BBOX1: variants seen among roughly 807,000 people sequenced by gnomAD.
The protein encoded by BBOX1 is gamma-butyrobetaine dioxygenase.
Under a neutral mutation model 41.6 loss-of-function variants are expected in BBOX1, and 35 were observed. The observed-to-expected ratio is 0.84, with a 90% confidence interval of 0.64 to 1.11. The LOEUF (loss-of-function observed/expected upper bound fraction) is 1.11, where lower values mean the gene tolerates loss of function less well. Ranked by LOEUF, BBOX1 falls within the 50% of genes most tolerant of loss-of-function variation. BBOX1 has a pLI of 0.00. For synonymous variants in BBOX1, 163 were observed against 154.7 expected (o/e 1.05, Z -0.40); for missense variants, 458 against 460.6 (o/e 0.99, Z 0.05).
Position 27,127,742 on chromosome 11 carries a change from T to A in BBOX1, c.*289T>A. ...CCAGAATGTCTACAAATAGTTTTTG[T>A]AGCAAATGAAAATTTCTTCAAATAA... On this transcript the variant is annotated 3_prime_UTR_variant, in exon 9 of 9. Coordinates refer to ENST00000263182, the MANE Select transcript of BBOX1 (RefSeq NM_003986.3). 3.7e-6 allele frequency: 1 copy of A among 272,490 alleles called. No homozygotes were observed. Among genetic ancestry groups the A allele is most frequent in the Non-Finnish European group, 6.8e-6 (1 of 147,568 alleles). The allele number at this position is 272,490 out of a possible 1,614,324, so 16.9% of individuals were successfully genotyped here. A position where few individuals can be genotyped will look rare whatever the true frequency, so the allele number is the denominator to read the frequency against.
chr11:27,085,799 C>A (rs1596257), intron 4 of BBOX1, among the ~76,000 whole-genome samples: 142,267 of 152,198 alleles, frequency 0.93, 66,574 homozygotes, highest in East Asian at 0.98. Context: ...ACTGTCAGCC[C>A]AGTTGTGAAG....
At chr11:27,086,340 CTT>C (rs1276834299) in intron 4 of BBOX1, among the ~76,000 whole-genome samples, 1 of 152,082 alleles carries the variant, frequency 6.6e-6, no homozygotes, top group Admixed American at 6.6e-5. Context: ...CAGCTATTGA[CTT>C]TAAGTTGAAA....
chr11:27,071,824 T>C (rs1412752416), intron 4 of BBOX1, among the ~76,000 whole-genome samples: 1 of 152,098 alleles, frequency 6.6e-6, no homozygotes, highest in African/African-American at 2.4e-5. Context: ...AAAAACCACA[T>C]GATTATCTCA....
At chr11:27,121,055 T>C (rs1180224283) in intron 7 of BBOX1, among the ~76,000 whole-genome samples, 1 of 152,086 alleles carries the variant, frequency 6.6e-6, no homozygotes, top group Non-Finnish European at 1.5e-5. Context: ...GGGGAATCTG[T>C]AGGGCTTAGC....
At chr11:27,103,277 T>C (rs1858731989) in intron 5 of BBOX1, among the ~76,000 whole-genome samples, 1 of 152,214 alleles carries the variant, frequency 6.6e-6, no homozygotes, top group South Asian at 2.1e-4. Context: ...GTCTTGATAT[T>C]GATTGTTCTG....
At chr11:27,043,696 T>C (rs781323566) in intron 2 of BBOX1, among the ~76,000 whole-genome samples, 20 of 152,164 alleles carry the variant, frequency 1.3e-4, no homozygotes, top group Non-Finnish European at 2.6e-4. Flanking sequence ...ATGCAGTATT[T>C]GGTCTTCTGT....
Position 27,107,800 on chromosome 11 carries a change from T to C in BBOX1, c.534-7652T>C, listed in dbSNP as rs1455183240. On this transcript the variant is annotated intron_variant, in intron 5 of 8. Transcript: ENST00000263182. ...AAGATCAGGCAAGTCCAGGGTTATATGGCTGCAAATATGTTTGCATTTTAT... is the reference window on the plus strand; with the variant it reads ...AAGATCAGGCAAGTCCAGGGTTATACGGCTGCAAATATGTTTGCATTTTAT... Among the ~76,000 whole-genome samples the C allele has an allele frequency of 2.0e-5, 3 of 152,086 alleles. 1 individual carries two copies. The highest frequency in any genetic ancestry group is 4.8e-5 in the African/African-American group (2 of 41,448).
chr11:27,060,848 T>G (rs532923435), intron 4 of BBOX1, among the ~76,000 whole-genome samples: 1 of 152,278 alleles, frequency 6.6e-6, no homozygotes, highest in East Asian at 1.9e-4. Flanking sequence ...ACCAGTTCAT[T>G]TTTCCCTGTA....
At chr11:27,106,139 G>T (rs1858856891) in intron 5 of BBOX1, among the ~76,000 whole-genome samples, 2 of 152,118 alleles carry the variant, frequency 1.3e-5, no homozygotes, top group South Asian at 4.2e-4. Context: ...GCAAAAACAT[G>T]CACAATTGTA....
intron 4 of BBOX1, among the ~76,000 whole-genome samples, chr11:27,090,330 G>A (rs375428008): frequency 1.1e-4 from 17 of 152,054 alleles, no homozygotes; most frequent in East Asian, 9.7e-4. Context: ...GGGTGACATC[G>A]CATATCAGTA....
At chr11:27,083,678 CA>C (rs1857932330) in intron 4 of BBOX1, among the ~76,000 whole-genome samples, 1 of 152,138 alleles carries the variant, frequency 6.6e-6, no homozygotes, top group Non-Finnish European at 1.5e-5. Context: ...ACCCTCATAG[CA>C]CTTGCCAAAA....
intron 4 of BBOX1, among the ~76,000 whole-genome samples, chr11:27,073,860 C>T (rs1413165606): frequency 1.3e-5 from 2 of 151,264 alleles, no homozygotes. Flanking sequence ...GGGAACTGAA[C>T]AATGAGAACA....
intron 4 of BBOX1, among the ~76,000 whole-genome samples, chr11:27,082,015 A>T (rs10835116): frequency 0.16 from 24,793 of 151,918 alleles, 2,259 homozygotes; most frequent in Middle Eastern, 0.24. Flanking sequence ...TTGCCTGTTC[A>T]CTCTGATGAT....
Position 27,119,648 on chromosome 11 carries a change from G to C in BBOX1, c.640-1G>C. On this transcript the variant is annotated splice_acceptor_variant, in intron 6 of 8. Coordinates refer to ENST00000263182, the MANE Select transcript of BBOX1 (RefSeq NM_003986.3). LOFTEE classifies it high-confidence loss of function. ...TAATAATGCATATTTTCTTTTTATAGGTTCAGCTTCTTCACTGCATAAAGC... is the reference window on the plus strand; with the variant it reads ...TAATAATGCATATTTTCTTTTTATACGTTCAGCTTCTTCACTGCATAAAGC... 3 of 1,396,314 alleles carry C rather than the reference G, an allele frequency of 2.1e-6. No homozygotes were observed. The highest frequency in any genetic ancestry group is 2.8e-6 in the Non-Finnish European group (3 of 1,072,178). The allele number at this position is 1,396,314 out of a possible 1,614,324, so 86.5% of individuals were successfully genotyped here.
chr11:27,104,871 C>T (rs1339881280), intron 5 of BBOX1, among the ~76,000 whole-genome samples: 1 of 152,102 alleles, frequency 6.6e-6, no homozygotes, highest in Admixed American at 6.6e-5. Context: ...CTCACACAGC[C>T]TGGTACCCCT....
At chr11:27,095,121 G>T (rs1187640132) in intron 5 of BBOX1, among the ~76,000 whole-genome samples, 2 of 151,946 alleles carry the variant, frequency 1.3e-5, no homozygotes, top group Non-Finnish European at 2.9e-5. Context: ...CTACCTTGCT[G>T]TCAATAATAT....
At chr11:27,082,502 G>A (rs1857882575) in intron 4 of BBOX1, among the ~76,000 whole-genome samples, 1 of 152,052 alleles carries the variant, frequency 6.6e-6, no homozygotes, top group Non-Finnish European at 1.5e-5. Context: ...CTTTCTTTCT[G>A]ATATCCTTTG....
At position 27,093,272 on chromosome 11, in the gene BBOX1, G is replaced by T. The variant is rs766496425; in HGVS notation, c.439G>T (p.Val147Leu). ...AYKWLSTLKK[V>L]GIVRLTGASD... The stretch of plus-strand genomic sequence containing the variant: ...CAAGTGGCTCTCCACCCTCAAGAAA[G>T]TAGGCATAGTAAGACTCACCGGAGC... The change falls in exon 5 of 9, where the codon GTA (valine) becomes TTA (leucine). Residue 147 changes from valine (V) to leucine (L), a missense_variant. Physicochemically the swap from Val to Leu is conservative, Grantham distance 32. Coordinates refer to ENST00000263182, the MANE Select transcript of BBOX1 (RefSeq NM_003986.3). 1 of 1,612,548 alleles carries T rather than the reference G, an allele frequency of 6.2e-7. No individual in the cohort carries two copies. Among genetic ancestry groups the T allele is most frequent in the Non-Finnish European group, 8.5e-7 (1 of 1,179,044 alleles).
intron 8 of BBOX1, among the ~76,000 whole-genome samples, chr11:27,126,813 C>T (rs1395985999): frequency 6.6e-6 from 1 of 151,722 alleles, no homozygotes; most frequent in East Asian, 1.9e-4. Context: ...GTATCTGGGA[C>T]TACAGGCACT....
Sources: allele counts gnomAD v4.1 joint callset (sites outside exome capture counted in the v4.1 genomes callset), GRCh38; gene constraint gnomAD v4.1.1; transcripts MANE v1.5; gene names NCBI Gene and HGNC (gene_info 2026-07-23, HGNC 2026-07-21).